SIAE: variants seen among roughly 807,000 people sequenced by gnomAD.
SIAE encodes sialate O-acetylesterase.
Under a neutral mutation model 52.6 loss-of-function variants are expected in SIAE, and 39 were observed. The observed-to-expected ratio is 0.74, with a 90% CI of 0.57 to 0.97. The LOEUF (loss-of-function observed/expected upper bound fraction) is 0.97. Ranked by LOEUF, SIAE falls within the 50% of genes least tolerant of loss-of-function variation. SIAE has a pLI of 0.00. For missense variants in SIAE, 592 were observed against 662.1 expected (o/e 0.89, Z 1.16); for synonymous variants, 233 against 241.4 (o/e 0.97, Z 0.32).
At chr11:124,656,835 G>T (rs1244907259) in intron 3 of SIAE, among the ~76,000 whole-genome samples, 1 of 152,208 alleles carries the variant, frequency 6.6e-6, no homozygotes, top group South Asian at 2.1e-4. Context: ...AGGCGCTCCA[G>T]CTGAGTCGGG....
In SIAE at chr11:124,635,373, A is replaced by C. The variant is rs1007370228; in HGVS notation, c.*1578T>G. On this transcript the variant is annotated 3_prime_UTR_variant, in exon 10 of 10. Coordinates refer to ENST00000263593, the MANE Select transcript of SIAE (RefSeq NM_170601.5). ...TGTAGATTTTTTGTTTTTTAACTAA[A>C]TAAAATCTTGGCACTGACAAAGTTA... is the stretch of plus-strand genomic sequence containing the variant. 6.6e-6 allele frequency: 1 copy of C among 152,162 alleles called. No individual in the cohort carries two copies. The highest frequency in any genetic ancestry group is 2.4e-5 in the African/African-American group (1 of 41,418). The allele number at this position is 152,162 out of a possible 1,614,324, so 9.4% of individuals were successfully genotyped here.
chr11:124,669,340 C>G lies in SIAE; in HGVS notation c.229+20G>C. 1 of 1,613,842 alleles carries G rather than the reference C, an allele frequency of 6.2e-7. No homozygotes were observed. The highest frequency in any genetic ancestry group is 8.5e-7 in the Non-Finnish European group (1 of 1,179,842). On this transcript the variant is annotated intron_variant, in intron 2 of 9. Transcript: ENST00000263593. The stretch of plus-strand genomic sequence containing the variant: ...GTGGCAGAAGAGGGCAATAGCTGAA[C>G]GGAAGATGGGCTGCCTTACCTTTCA...
Position 124,636,662 on chromosome 11 carries a change from A to ACTC in SIAE, c.*286_*288dup. On this transcript the variant is annotated 3_prime_UTR_variant, in exon 10 of 10. Coordinates refer to ENST00000263593, the MANE Select transcript of SIAE (RefSeq NM_170601.5). ...AAGGGGCAAAAGTATTAGACATTTCACTCCCATTAATATGAGGGAAGTAAA... is the reference window on the plus strand; with the variant it reads ...AAGGGGCAAAAGTATTAGACATTTCACTCCTCCCATTAATATGAGGGAAGTAAA... The ACTC allele has an allele frequency of 2.3e-6, 1 of 444,434 alleles. No individual in the cohort carries two copies. The highest frequency in any genetic ancestry group is 4.1e-6 in the Non-Finnish European group (1 of 241,050). 27.5% of individuals were successfully genotyped at this position (444,434 alleles called of 1,614,324 possible).
intron 7 of SIAE, 39 bp from the exon 8 acceptor site, chr11:124,639,906 A>C: frequency 6.2e-7 from 1 of 1,609,798 alleles, no homozygotes; most frequent in African/African-American, 1.3e-5. Flanking sequence ...TTGTATCAGA[A>C]TCCCACACTG....
Position 124,647,452 on chromosome 11 carries a change from G to A in SIAE, c.879C>T (p.Phe293=), listed in dbSNP as rs138834479. Reference sequence around the variant, plus strand: ...CACGCCAGTCTTCGATGAGTGCAGGGAATGTGCAATTGTACAGATCCGTGT... The same window carrying A: ...CACGCCAGTCTTCGATGAGTGCAGGAAATGTGCAATTGTACAGATCCGTGT... The part of the protein sequence containing the change: ...NYNTDLYNCT[F]PALIEDWRET... The change falls in exon 7 of 10, where the codon TTC becomes TTT. Residue 293 remains phenylalanine (F), a synonymous_variant. Transcript: ENST00000263593. 810 of 1,614,166 alleles carry A rather than the reference G, an allele frequency of 5.0e-4. 3 individuals are homozygous for A. The highest frequency in any genetic ancestry group is 1.0e-4 in the Non-Finnish European group (118 of 1,180,032).
chr11:124,654,338 G>C, intron 4 of SIAE: 24 of 985,406 alleles, frequency 2.4e-5, no homozygotes, highest in Non-Finnish European at 2.9e-5. Flanking sequence ...ACAGAGACAA[G>C]GGAAGAAAGA....
At position 124,662,420 on chromosome 11, in the gene SIAE, C is replaced by G. The variant is rs184685432; in HGVS notation, c.230-1617G>C. Among the ~76,000 whole-genome samples the G allele has an allele frequency of 1.4e-3, 218 of 152,306 alleles. 1 individual carries two copies. Among genetic ancestry groups the G allele is most frequent in the South Asian group, 8.9e-3 (43 of 4,824 alleles). ...GTCCTTCTGCCACCAACGTTATTTA[C>G]TTATGGTGGTGAGGTCAACCTCCAG... On this transcript the variant is annotated intron_variant, in intron 2 of 9. Coordinates refer to ENST00000263593, the MANE Select transcript of SIAE (RefSeq NM_170601.5).
chr11:124,668,588 GT>G (rs1943303546), intron 2 of SIAE, among the ~76,000 whole-genome samples: 1 of 152,180 alleles, frequency 6.6e-6, no homozygotes, highest in Non-Finnish European at 1.5e-5. Context: ...GTCTTTACCA[GT>G]GTTAATTCGT....
chr11:124,649,152 T>G (rs905408498), intron 5 of SIAE, among the ~76,000 whole-genome samples: 2 of 152,194 alleles, frequency 1.3e-5, no homozygotes, highest in African/African-American at 4.8e-5. Context: ...TTTATTCTTC[T>G]AGGCAATACA....
intron 5 of SIAE, among the ~76,000 whole-genome samples, chr11:124,648,808 G>A (rs1247617450): frequency 6.6e-6 from 1 of 152,060 alleles, no homozygotes; most frequent in Non-Finnish European, 1.5e-5. Context: ...CTGGTCTAAC[G>A]CTCACTCCTA....
chr11:124,637,522 A>T (rs1290159161), intron 9 of SIAE, among the ~76,000 whole-genome samples: 3 of 152,246 alleles, frequency 2.0e-5, no homozygotes, highest in Non-Finnish European at 4.4e-5. Flanking sequence ...CCTCTTGCCA[A>T]ACAGCAAGGC....
chr11:124,654,223 T>A (rs1943060727), intron 4 of SIAE: 1 of 985,036 alleles, frequency 1.0e-6, no homozygotes, highest in Non-Finnish European at 1.2e-6. Flanking sequence ...TCATGCTGAA[T>A]GGACTGAGGG....
chr11:124,669,327 G>A, intron 2 of SIAE, 33 bp downstream of exon 2: 1 of 1,613,540 alleles, frequency 6.2e-7, no homozygotes, highest in Non-Finnish European at 8.5e-7. Context: ...GGCAGAAGAG[G>A]GCAATAGCTG....
intron 4 of SIAE, among the ~76,000 whole-genome samples, chr11:124,653,344 T>G (rs137957561): frequency 3.0e-4 from 46 of 152,136 alleles, no homozygotes; most frequent in Non-Finnish European, 5.0e-4. Context: ...TGTAGGAGCA[T>G]CTGAGCACCA....
rs763735434 is a variant in SIAE, at chr11:124,669,311, G to A, written c.229+49C>T. 31 of 1,605,398 alleles carry A rather than the reference G, an allele frequency of 1.9e-5. No homozygotes were observed. The East Asian group carries it at 5.6e-4, about 29-fold the overall frequency. ...TTAGCATTCATTTTCAGATAATCCAGCAGGTGGCAGAAGAGGGCAATAGCT... is the reference window on the plus strand; with the variant it reads ...TTAGCATTCATTTTCAGATAATCCAACAGGTGGCAGAAGAGGGCAATAGCT... On this transcript the variant is annotated intron_variant, in intron 2 of 9. Transcript: ENST00000263593.
intron 2 of SIAE, among the ~76,000 whole-genome samples, chr11:124,663,977 C>T (rs756270581): frequency 6.6e-6 from 1 of 152,214 alleles, no homozygotes; most frequent in Non-Finnish European, 1.5e-5. Flanking sequence ...CTATTCCAGG[C>T]CAGGCCCAGG....
rs1942926642 is a variant in SIAE, at chr11:124,645,951, G to C, written c.966+1414C>G. Among the ~76,000 whole-genome samples, 1 of 152,192 alleles carries C rather than the reference G, an allele frequency of 6.6e-6. No homozygotes were observed. Among genetic ancestry groups the C allele is most frequent in the Non-Finnish European group, 1.5e-5 (1 of 68,026 alleles). On this transcript the variant is annotated intron_variant, in intron 7 of 9. Coordinates refer to ENST00000263593, the MANE Select transcript of SIAE (RefSeq NM_170601.5). This position sits in a 1 kb window ranked among gnomAD's most constrained non-coding sequence, Gnocchi z 4.7. Reference sequence around the variant, plus strand: ...ACAAGGTAGGGGAGTGGGGAGGATGGTGAGAAGTCATCTGTGGGGCGTGCG... The same window carrying C: ...ACAAGGTAGGGGAGTGGGGAGGATGCTGAGAAGTCATCTGTGGGGCGTGCG...
At chr11:124,652,446 G>A (rs1340541575) in intron 4 of SIAE, among the ~76,000 whole-genome samples, 1 of 152,126 alleles carries the variant, frequency 6.6e-6, no homozygotes, top group East Asian at 1.9e-4. Context: ...CCAGCACTTT[G>A]GGAGTGTGAG....
At chr11:124,647,948 C>T (rs1364657319) in intron 6 of SIAE, 118 bp downstream of exon 6, 2 of 833,976 alleles carry the variant, frequency 2.4e-6, no homozygotes, top group Admixed American at 3.9e-5. Flanking sequence ...ACCCACAGAA[C>T]AGTGAGCTGA....
Sources: gnomAD v4.1 joint callset for allele counts (sites outside exome capture counted in the v4.1 genomes callset) on GRCh38, gnomAD v4.1.1 for gene constraint, Gnocchi (gnomAD v3.1) non-coding constraint, MANE v1.5 for transcripts, NCBI Gene and HGNC (gene_info 2026-07-23, HGNC 2026-07-21) for gene names.